The following ATAD5 variants were observed in gnomAD, a reference collection of about 807,000 sequenced individuals.
The protein encoded by ATAD5 is ATPase family AAA domain-containing protein 5.
In ATAD5, 58 loss-of-function variants were observed where a neutral mutation model predicts 176.9. The observed-to-expected ratio is 0.33, with a 90% CI of 0.27 to 0.41. ATAD5 has a LOEUF of 0.41. ATAD5 is among the 10% of genes least tolerant of loss of function. The pLI, the probability that ATAD5 is intolerant of heterozygous loss-of-function variation, is 1.00. For synonymous variants in ATAD5, 640 were observed against 712.6 expected (o/e 0.90, Z 1.62); for missense variants, 1,789 against 2,094.1 (o/e 0.85, Z 2.84).
chr17:30,860,415 C>T lies in ATAD5; in HGVS notation c.2957-18C>T. 6.3e-7 allele frequency: 1 copy of T among 1,578,556 alleles called. No individual in the cohort carries two copies. On this transcript the variant is annotated intron_variant, in intron 9 of 22. Transcript: ENST00000321990. The stretch of plus-strand genomic sequence containing the variant: ...TGTTGATTAGTAAGCACATGCACTT[C>T]TTTAATTCCCAAAGCAGAACTGGAG...
intron 10 of ATAD5, 60 bp from the exon 11 acceptor site, chr17:30,865,644 T>G: frequency 1.0e-6 from 1 of 996,354 alleles, no homozygotes; most frequent in Non-Finnish European, 1.5e-6. Context: ...AAATGACTAA[T>G]AATTCATATA....
intron 2 of ATAD5, 84 bp downstream of exon 2, chr17:30,836,132 A>T: frequency 8.5e-7 from 1 of 1,176,106 alleles, no homozygotes; most frequent in South Asian, 2.0e-5. Context: ...ATTGGAGGGT[A>T]TTTTTTTTTC....
In ATAD5 at chr17:30,890,889, T is replaced by C. The variant is rs1598001400; in HGVS notation, c.4259-1718T>C. Among the ~76,000 whole-genome samples, 3 of 141,998 alleles carry C rather than the reference T, an allele frequency of 2.1e-5. No homozygotes were observed. The South Asian group carries it at 6.6e-4, about 31-fold the overall frequency. The allele number at this position is 141,998 out of a possible 152,430, so 93.2% of individuals were successfully genotyped here. On this transcript the variant is annotated intron_variant, in intron 19 of 22. Transcript: ENST00000321990. ...ATACTTATTTAGCAAAATTAACCAGTATTATATATGTTGTTATTTTTAAGT... is the reference window on the plus strand; with the variant it reads ...ATACTTATTTAGCAAAATTAACCAGCATTATATATGTTGTTATTTTTAAGT...
intron 6 of ATAD5, among the ~76,000 whole-genome samples, chr17:30,850,833 T>TATATA (rs1906849991): frequency 0.02 from 554 of 27,754 alleles, 38 homozygotes; most frequent in East Asian, 0.038. Flanking sequence ...TTATATATTT[T>TATATA]TATATATATA....
chr17:30,865,864 G>A (rs945297106), intron 11 of ATAD5, 64 bp downstream of exon 11: 152 of 1,092,266 alleles, frequency 1.4e-4, no homozygotes, highest in South Asian at 2.8e-4. Flanking sequence ...TTTTTGTTTC[G>A]AAATTGTAGT....
chr17:30,853,128 G>C (rs990193385), intron 6 of ATAD5, among the ~76,000 whole-genome samples: 1 of 151,894 alleles, frequency 6.6e-6, no homozygotes, highest in Non-Finnish European at 1.5e-5. Context: ...GACCTCAGGT[G>C]ATCTGTCCAT....
intron 11 of ATAD5, 116 bp from the exon 12 acceptor site, chr17:30,868,217 G>A: frequency 1.3e-6 from 1 of 745,352 alleles, no homozygotes; most frequent in Non-Finnish European, 2.0e-6. Context: ...CAGTTGAATG[G>A]CCAGTGGCAG....
At chr17:30,854,623 C>T (rs1029395983) in intron 6 of ATAD5, among the ~76,000 whole-genome samples, 1 of 152,042 alleles carries the variant, frequency 6.6e-6, no homozygotes, top group East Asian at 1.9e-4. Context: ...CCACCCTCCT[C>T]GGCCTCCCAA....
Position 30,835,389 on chromosome 17 carries a change from A to G in ATAD5, c.1308A>G (p.Glu436=), listed in dbSNP as rs1292188952. The G allele has an allele frequency of 3.1e-6, 5 of 1,610,138 alleles. No homozygotes were observed. The highest frequency in any genetic ancestry group is 3.4e-5 in the Admixed American group (2 of 59,176). Residue 436 remains glutamate, a synonymous_variant, in exon 2 of 23, where the codon GAA becomes GAG. Transcript: ENST00000321990. ...ACCTTAATGAAAAATGTCTATATGA[A>G]GTAGGAAGAGATGATAATTCTAAAA... ...QKDLNEKCLY[E]VGRDDNSKKI... is the part of the protein sequence containing the mutation.
At chr17:30,852,184 T>C (rs1907011454) in intron 6 of ATAD5, among the ~76,000 whole-genome samples, 1 of 152,244 alleles carries the variant, frequency 6.6e-6, no homozygotes, top group Non-Finnish European at 1.5e-5. Flanking sequence ...ATTTTTATTA[T>C]ATTCAGTGGA....
chr17:30,858,407 C>T (rs1009478073), intron 9 of ATAD5, 84 bp downstream of exon 9: 47 of 1,020,544 alleles, frequency 4.6e-5, no homozygotes, highest in East Asian at 1.0e-4. Flanking sequence ...ATTTCTGAGA[C>T]GGAGTTTTGC....
At chr17:30,886,833 T>C (rs907036455) in intron 18 of ATAD5, among the ~76,000 whole-genome samples, 6 of 152,298 alleles carry the variant, frequency 3.9e-5, no homozygotes, top group African/African-American at 1.2e-4. Flanking sequence ...TTCAGTGTTA[T>C]AGTATTCATA....
intron 18 of ATAD5, among the ~76,000 whole-genome samples, chr17:30,886,155 T>C (rs1909310467): frequency 6.6e-6 from 1 of 151,634 alleles, no homozygotes; most frequent in African/African-American, 2.4e-5. Context: ...TGAGGAATAC[T>C]ACTTTGTAAC....
Position 30,893,321 on chromosome 17 carries a change from C to T in ATAD5, c.4468C>T (p.His1490Tyr). ...KHKITMKEEWHKFIQLLTEFQ... is the reference protein window; with the variant it reads ...KHKITMKEEWYKFIQLLTEFQ... ...CAAAATCACAATGAAGGAAGAATGG[C>T]ATAAATTCATCCAGCTTCTTACAGA... Residue 1490 changes from histidine to tyrosine, a missense_variant, in exon 21 of 23, where the codon CAT (histidine) becomes TAT (tyrosine). His to Tyr is a moderately conservative substitution (Grantham distance 83). Coordinates refer to ENST00000321990, the MANE Select transcript of ATAD5 (RefSeq NM_024857.5). 1 of 1,579,822 alleles carries T rather than the reference C, an allele frequency of 6.3e-7. No individual in the cohort carries two copies. Among genetic ancestry groups the T allele is most frequent in the Non-Finnish European group, 8.6e-7 (1 of 1,165,238 alleles).
chr17:30,876,381 A>G lies in ATAD5; in HGVS notation c.3615A>G (p.Ile1205Met). The change falls in exon 15 of 23, where the codon ATA becomes ATG. Residue 1205 changes from isoleucine to methionine, a missense_variant. Transcript: ENST00000321990. The stretch of plus-strand genomic sequence containing the variant: ...CAATTTGTTTTTGGGCAGAAAAAAT[A>G]AGCTCCCCTAAGAAAGTTGTTACAT... ...SYYIGKSPKK[I>M]SSPKKVVTSP... 1 of 1,569,494 alleles carries G rather than the reference A, an allele frequency of 6.4e-7. No homozygotes were observed. Among genetic ancestry groups the G allele is most frequent in the Non-Finnish European group, 8.6e-7 (1 of 1,163,598 alleles).
chr17:30,845,967 C>T (rs1367874133), intron 6 of ATAD5, among the ~76,000 whole-genome samples: 1 of 152,144 alleles, frequency 6.6e-6, no homozygotes, highest in African/African-American at 2.4e-5. Flanking sequence ...GGTCTAGGAG[C>T]AACATGGGTT....
rs764864429 is a variant in ATAD5, at chr17:30,837,363, AAAAC to A, written c.2076+57_2076+60del. ...TATAAGTGCCATTCTGTTTCCTTAA[AAAAC>A]AAACAAAAAACCCCCACATTACTAT... is the stretch of plus-strand genomic sequence containing the variant. On this transcript the variant is annotated intron_variant, in intron 3 of 22. Transcript: ENST00000321990. The A allele has an allele frequency of 3.3e-6, 4 of 1,227,238 alleles. No individual in the cohort carries two copies. The Admixed American group carries it at 7.8e-5, about 24-fold the overall frequency. The allele number at this position is 1,227,238 out of a possible 1,614,324, so 76.0% of individuals were successfully genotyped here.
At chr17:30,874,257 C>T (rs1017370474) in intron 14 of ATAD5, among the ~76,000 whole-genome samples, 2 of 149,780 alleles carry the variant, frequency 1.3e-5, no homozygotes, top group South Asian at 2.1e-4. Context: ...AAAATAAGGA[C>T]AAAGGCCAGG....
At chr17:30,855,482 G>C (rs1245878248) in intron 7 of ATAD5, among the ~76,000 whole-genome samples, 155 bp downstream of exon 7, 2 of 152,020 alleles carry the variant, frequency 1.3e-5, no homozygotes, top group Admixed American at 6.6e-5. Context: ...ACTATCCATG[G>C]GGTTTGATTC....
Sources: gnomAD v4.1 joint callset for allele counts (sites outside exome capture counted in the v4.1 genomes callset) on GRCh38, gnomAD v4.1.1 for gene constraint, MANE v1.5 for transcripts, NCBI Gene and HGNC (gene_info 2026-07-23, HGNC 2026-07-21) for gene names.